RECQL5: variants seen among roughly 807,000 people sequenced by gnomAD.
The protein encoded by RECQL5 is RecQ like helicase 5.
RECQL5 carries 88 observed loss-of-function variants against 103.4 expected under a neutral mutation model. The ratio of observed to expected loss-of-function variants is 0.85; its 90% confidence interval spans 0.72 to 1.02. The LOEUF (loss-of-function observed/expected upper bound fraction) is 1.02, where lower values mean the gene tolerates loss of function less well. Ranked by LOEUF, RECQL5 falls within the 50% of genes least tolerant of loss-of-function variation. The pLI is 0.00. For missense variants in RECQL5, 1,232 were observed against 1,284.3 expected (o/e 0.96, Z 0.62); for synonymous variants, 552 against 507.9 (o/e 1.09, Z -1.17).
Position 75,640,127 on chromosome 17 carries a change from C to T in RECQL5, c.1230-8459G>A, listed in dbSNP as rs1346692742. 2.8e-6 allele frequency: 4 copies of T among 1,449,772 alleles called. No homozygotes were observed. The Admixed American group carries it at 1.1e-4, about 38-fold the overall frequency. 89.8% of individuals were successfully genotyped at this position (1,449,772 alleles called of 1,614,324 possible). ...CTCGGTGCTGCGACGAGTGTGGGGC[C>T]AGCCGTGGAGGCTCCAGGTGTTCTC... is the stretch of plus-strand genomic sequence containing the variant. On this transcript the variant is annotated intron_variant, in intron 8 of 19. Transcript: ENST00000317905. This position sits in a 1 kb window ranked among gnomAD's most constrained non-coding sequence, Gnocchi z 4.6.
At position 75,659,154 on chromosome 17, in the gene RECQL5, C is replaced by T. The variant is rs550429557; in HGVS notation, c.987-694G>A. 9.2e-5 allele frequency among the ~76,000 whole-genome samples: 14 copies of T among 152,184 alleles called. No individual in the cohort carries two copies. In the South Asian group the frequency reaches 2.7e-3, roughly 29 times the overall value. On this transcript the variant is annotated intron_variant, in intron 6 of 19. Transcript: ENST00000317905. ...TCAGCTCACTGCAACCTCCACCTCC[C>T]GGGTTCAAGCGATTCTCCTGCCTCA...
At chr17:75,643,692 C>T (rs1036566131) in intron 8 of RECQL5, among the ~76,000 whole-genome samples, 2 of 152,194 alleles carry the variant, frequency 1.3e-5, no homozygotes, top group Non-Finnish European at 2.9e-5. Context: ...CAGACCTGGG[C>T]GGCCTGAAGA....
At chr17:75,647,759 T>C in intron 8 of RECQL5, 1 of 596,466 alleles carries the variant, frequency 1.7e-6, no homozygotes, top group South Asian at 2.2e-5. Context: ...GGGAGGCTGG[T>C]CTGAGACCAA....
rs750047771 is a variant in RECQL5, at chr17:75,629,837, G to A, written c.1818C>T (p.Ala606=). ...CATCCTTGGAGGCTCTGTGGATATCGGCCACCTGGGCAGGGATAGGCAGGG... is the reference window on the plus strand; with the variant it reads ...CATCCTTGGAGGCTCTGTGGATATCAGCCACCTGGGCAGGGATAGGCAGGG... ...LYKASVLKKV[A]DIHRASKDGQ... The change falls in exon 15 of 20, where the codon GCC becomes GCT. Residue 606 remains alanine (A), a synonymous_variant. Transcript: ENST00000317905. 14 of 1,605,268 alleles carry A rather than the reference G, an allele frequency of 8.7e-6. No homozygotes were observed. Among genetic ancestry groups the A allele is most frequent in the South Asian group, 7.8e-5 (7 of 90,226 alleles).
At chr17:75,641,105 G>T in intron 8 of RECQL5, 1 of 854,966 alleles carries the variant, frequency 1.2e-6, no homozygotes, top group Non-Finnish European at 1.7e-6. Flanking sequence ...TCTGCCAGTG[G>T]ACACTGGGTG....
intron 8 of RECQL5, among the ~76,000 whole-genome samples, chr17:75,642,679 T>C (rs1478551713): frequency 6.6e-6 from 1 of 150,942 alleles, no homozygotes; most frequent in Non-Finnish European, 1.5e-5. Flanking sequence ...TAAAATTTAC[T>C]GAGGAGTTAC....
chr17:75,632,495 CCAT>C (rs2059236975), intron 8 of RECQL5, among the ~76,000 whole-genome samples: 1 of 152,216 alleles, frequency 6.6e-6, no homozygotes, highest in Admixed American at 6.5e-5. Flanking sequence ...GTAATATGTC[CCAT>C]CATCAACCCG....
In RECQL5 at chr17:75,647,734, C is replaced by T. The variant is rs1287855994; in HGVS notation, c.1229+3452G>A. The T allele has an allele frequency of 1.5e-5, 10 of 670,382 alleles. 2 individuals carry two copies. The Admixed American group carries it at 3.0e-4, about 20-fold the overall frequency. 41.5% of individuals were successfully genotyped at this position (670,382 alleles called of 1,614,324 possible). A position where few individuals can be genotyped will look rare whatever the true frequency, so the allele number is the denominator to read the frequency against. On this transcript the variant is annotated intron_variant, in intron 8 of 19. Coordinates refer to ENST00000317905, the MANE Select transcript of RECQL5 (RefSeq NM_004259.7). ...ATACTGTATCTGGCTTAGGGTTGGTCAGACTAGTAAGATGGGGAGGCTGGT... is the reference window on the plus strand; with the variant it reads ...ATACTGTATCTGGCTTAGGGTTGGTTAGACTAGTAAGATGGGGAGGCTGGT...
At chr17:75,661,411 G>A (rs2059697616) in intron 5 of RECQL5, among the ~76,000 whole-genome samples, 195 bp downstream of exon 5, 1 of 152,184 alleles carries the variant, frequency 6.6e-6, no homozygotes, top group Non-Finnish European at 1.5e-5. Context: ...GAAGAACTCA[G>A]GAGTCACAAT....
intron 2 of RECQL5, among the ~76,000 whole-genome samples, 167 bp from the exon 3 acceptor site, chr17:75,665,339 G>A (rs2059754489): frequency 6.6e-6 from 1 of 152,186 alleles, no homozygotes; most frequent in Non-Finnish European, 1.5e-5. Context: ...AAAAGGCAAG[G>A]ATCCTGGGAA....
At chr17:75,631,812 C>G in intron 8 of RECQL5, 144 bp from the exon 9 acceptor site, 1 of 797,126 alleles carries the variant, frequency 1.3e-6, no homozygotes, top group Non-Finnish European at 2.0e-6. Context: ...CTCATCCAAG[C>G]TGCACCAGGC....
At chr17:75,647,747 T>C in intron 8 of RECQL5, 3 of 619,670 alleles carry the variant, frequency 4.8e-6, no homozygotes, top group Non-Finnish European at 8.5e-6. Context: ...ACTAGTAAGA[T>C]GGGGAGGCTG....
In RECQL5 at chr17:75,658,384, T is replaced by G; in HGVS notation, c.1063A>C (p.Lys355Gln). Residue 355 changes from lysine (K) to glutamine (Q), a missense_variant, in exon 7 of 20, where the codon AAG (lysine) becomes CAG (glutamine). By Grantham distance (53) the Lys-to-Gln change is moderately conservative. Coordinates refer to ENST00000317905, the MANE Select transcript of RECQL5 (RefSeq NM_004259.7). ...TAATAGAGACGGCACCAGGAAGGCTTCCCATCCCTGCCAGCCCGGCCAGAC... is the reference window on the plus strand; with the variant it reads ...TAATAGAGACGGCACCAGGAAGGCTGCCCATCCCTGCCAGCCCGGCCAGAC... ...QESGRAGRDG[K>Q]PSWCRLYYSR... The G allele has an allele frequency of 1.9e-6, 3 of 1,614,020 alleles. No individual in the cohort carries two copies. The highest frequency in any genetic ancestry group is 2.5e-6 in the Non-Finnish European group (3 of 1,179,954).
In RECQL5 at chr17:75,640,865, A is replaced by G. The variant is rs749256290; in HGVS notation, c.1230-9197T>C. On this transcript the variant is annotated intron_variant, in intron 8 of 19. Transcript: ENST00000317905. This position sits in a 1 kb window ranked among gnomAD's most constrained non-coding sequence, Gnocchi z 4.6. Reference sequence around the variant, plus strand: ...CTGCTGCTGCCCTGAGCGGAGAGGCAGGAAGGTCCAGGTGCAGCCGACACC... The same window carrying G: ...CTGCTGCTGCCCTGAGCGGAGAGGCGGGAAGGTCCAGGTGCAGCCGACACC... 2.4e-5 allele frequency: 37 copies of G among 1,547,646 alleles called. No homozygotes were observed. In the African/African-American group the frequency reaches 4.1e-4, roughly 17 times the overall value.
In RECQL5 at chr17:75,660,939, A is replaced by G. The variant is rs1293837089; in HGVS notation, c.986+16T>C. On this transcript the variant is annotated intron_variant, in intron 6 of 19. Transcript: ENST00000317905. ...CAGGCCCAGACCAGGAGGGCAGGGC[A>G]AGAACCAAAGCTCACCTGACATTGG... 1 of 1,596,018 alleles carries G rather than the reference A, an allele frequency of 6.3e-7. No individual in the cohort carries two copies. The highest frequency in any genetic ancestry group is 8.6e-7 in the Non-Finnish European group (1 of 1,163,540).
intron 4 of RECQL5, 78 bp from the exon 5 acceptor site, chr17:75,661,786 AAAG>A (rs1207187038): frequency 3.8e-6 from 4 of 1,065,398 alleles, no homozygotes; most frequent in East Asian, 2.4e-5. Flanking sequence ...CCCTGCTCTA[AAAG>A]AAGCTCTGTG....
chr17:75,630,113 G>A, intron 14 of RECQL5, 71 bp downstream of exon 14: 1 of 1,324,950 alleles, frequency 7.5e-7, no homozygotes, highest in African/African-American at 1.5e-5. Flanking sequence ...CAGAGAGCTG[G>A]CAGACAGCTT....
intron 8 of RECQL5, chr17:75,650,621 G>T (rs930657345): frequency 8.7e-6 from 14 of 1,611,268 alleles, no homozygotes; most frequent in Non-Finnish European, 1.2e-5. Context: ...CTCCTCCTGG[G>T]TGTCTCTCCT....
chr17:75,628,155 C>T, intron 18 of RECQL5, 63 bp downstream of exon 18: 1 of 1,405,476 alleles, frequency 7.1e-7, no homozygotes, highest in Non-Finnish European at 1.0e-6. Flanking sequence ...CCCTGCCTCC[C>T]ACCCCCACTA....
Sources: allele counts gnomAD v4.1 joint callset (sites outside exome capture counted in the v4.1 genomes callset), GRCh38; gene constraint gnomAD v4.1.1; non-coding constraint Gnocchi (gnomAD v3.1); transcripts MANE v1.5; gene names NCBI Gene and HGNC (gene_info 2026-07-23, HGNC 2026-07-21).